SLIT3: variants seen among roughly 807,000 people sequenced by gnomAD.
SLIT3 encodes the protein slit homolog 3 protein.
SLIT3 carries 68 observed loss-of-function variants against 184.0 expected under a neutral mutation model. That is an observed-to-expected ratio of 0.37 (90% CI 0.30 to 0.45). The LOEUF (loss-of-function observed/expected upper bound fraction) is 0.45, where lower values mean the gene tolerates loss of function less well. Ranked by LOEUF, SLIT3 falls within the 20% of genes least tolerant of loss-of-function variation. The pLI is 1.00. For missense variants in SLIT3, 1,707 were observed against 2,026.0 expected, an observed-to-expected ratio of 0.84 and a Z score of 3.02; for synonymous variants, 831 against 828.6, an observed-to-expected ratio of 1.00 and a Z score of -0.05.
intron 20 of SLIT3, among the ~76,000 whole-genome samples, chr5:168,738,586 A>T (rs1763510684): frequency 6.6e-6 from 1 of 152,224 alleles, no homozygotes; most frequent in Non-Finnish European, 1.5e-5. Context: ...TTATTCAGAC[A>T]TGGCTATTTA....
intron 14 of SLIT3, among the ~76,000 whole-genome samples, chr5:168,771,696 T>C (rs963404085): frequency 6.6e-6 from 1 of 152,188 alleles, no homozygotes; most frequent in Admixed American, 6.5e-5. Context: ...CCCAAGGTAT[T>C]AGTTTCTGTT....
intron 4 of SLIT3, among the ~76,000 whole-genome samples, chr5:168,997,329 C>T (rs996820218): frequency 2.1e-4 from 32 of 152,244 alleles, no homozygotes; most frequent in African/African-American, 7.7e-4. Context: ...TTTTCCTACC[C>T]CATCCCCCCA....
chr5:169,267,498 A>C (rs1766440632), intron 1 of SLIT3, among the ~76,000 whole-genome samples: 1 of 152,240 alleles, frequency 6.6e-6, no homozygotes, highest in Non-Finnish European at 1.5e-5. Flanking sequence ...TGACAGTTTT[A>C]ACTGAGTTAC....
At chr5:168,728,799 T>A (rs1763211922) in intron 20 of SLIT3, among the ~76,000 whole-genome samples, 1 of 151,602 alleles carries the variant, frequency 6.6e-6, no homozygotes, top group South Asian at 2.1e-4. Flanking sequence ...GTGCCTGTGG[T>A]CCCAGCTACT....
At chr5:169,029,297 A>G (rs1296800058) in intron 4 of SLIT3, among the ~76,000 whole-genome samples, 1 of 152,154 alleles carries the variant, frequency 6.6e-6, no homozygotes, top group Non-Finnish European at 1.5e-5. Flanking sequence ...TCTTTTTGTT[A>G]GCCAGATTCC....
intron 4 of SLIT3, among the ~76,000 whole-genome samples, chr5:168,990,695 C>G (rs137914372): frequency 6.6e-6 from 1 of 152,294 alleles, no homozygotes; most frequent in East Asian, 1.9e-4. Context: ...GGGGAACCTT[C>G]TGTCGAATGG....
At chr5:169,238,349 A>T (rs1765270027) in intron 3 of SLIT3, among the ~76,000 whole-genome samples, 1 of 151,922 alleles carries the variant, frequency 6.6e-6, no homozygotes, top group African/African-American at 2.4e-5. Flanking sequence ...CCAGTTTTCA[A>T]CTATTCTATT....
At chr5:168,768,202 C>T (rs374716278) in intron 14 of SLIT3, 21 of 525,594 alleles carry the variant, frequency 4.0e-5, no homozygotes, top group South Asian at 1.6e-4. Flanking sequence ...CCGTTTCCAT[C>T]GTTCCACCAC....
intron 32 of SLIT3, among the ~76,000 whole-genome samples, chr5:168,674,375 G>A (rs371230585): frequency 6.6e-6 from 1 of 152,070 alleles, no homozygotes; most frequent in Non-Finnish European, 1.5e-5. Context: ...ATGCTTGAAG[G>A]AAATGCTCAT....
intron 6 of SLIT3, among the ~76,000 whole-genome samples, chr5:168,831,036 CAGTG>C (rs145258413): frequency 0.14 from 20,704 of 150,254 alleles, 1,723 homozygotes; most frequent in East Asian, 0.26. Flanking sequence ...TCAGCACAGA[CAGTG>C]AGGGAAGCAG....
intron 4 of SLIT3, among the ~76,000 whole-genome samples, chr5:168,888,734 G>A (rs1561989126): frequency 6.6e-6 from 1 of 152,146 alleles, no homozygotes; most frequent in Non-Finnish European, 1.5e-5. Context: ...ATCAACTCTT[G>A]ATTAGTTAGG....
In SLIT3 at chr5:169,272,511, G is replaced by A. The variant is rs1338054169; in HGVS notation, c.198-21052C>T. The stretch of plus-strand genomic sequence containing the variant: ...AAAGCTCTGCTAGGAAAGAAACCAA[G>A]CCCATGAATCAGTCCTCACTCTGGT... On this transcript the variant is annotated intron_variant, in intron 1 of 35. Coordinates refer to ENST00000519560, the MANE Select transcript of SLIT3 (RefSeq NM_003062.4). Among the ~76,000 whole-genome samples, 9 of 152,352 alleles carry A rather than the reference G, an allele frequency of 5.9e-5. No individual in the cohort carries two copies. The East Asian group carries it at 1.7e-3, about 29-fold the overall frequency.
chr5:168,774,841 G>A (rs911636443), intron 12 of SLIT3, among the ~76,000 whole-genome samples: 2 of 152,142 alleles, frequency 1.3e-5, no homozygotes, highest in East Asian at 1.9e-4. Context: ...TCTGATGAAA[G>A]TTATATGTCA....
intron 31 of SLIT3, among the ~76,000 whole-genome samples, chr5:168,684,933 C>A (rs1025781285): frequency 2.0e-5 from 3 of 151,756 alleles, no homozygotes; most frequent in Admixed American, 2.0e-4. Flanking sequence ...GGGGCCCAGG[C>A]AAAGATAATT....
intron 27 of SLIT3, among the ~76,000 whole-genome samples, chr5:168,696,713 G>A (rs746513881): frequency 1.3e-5 from 2 of 152,132 alleles, no homozygotes; most frequent in Non-Finnish European, 2.9e-5. Context: ...CAACAAGGCC[G>A]GTGTCATCAT....
chr5:168,718,731 T>TCTC (rs1762839180), intron 23 of SLIT3, among the ~76,000 whole-genome samples: 4 of 46,342 alleles, frequency 8.6e-5, no homozygotes, highest in African/African-American at 3.1e-4. Flanking sequence ...CACACACACA[T>TCTC]TCTCTCTCTC....
At chr5:169,128,226 T>TTA (rs1176789984) in intron 4 of SLIT3, among the ~76,000 whole-genome samples, 1 of 147,578 alleles carries the variant, frequency 6.8e-6, no homozygotes, top group African/African-American at 2.5e-5. Context: ...GGGTCATGGA[T>TTA]TATATATATA....
At chr5:169,176,637 T>C (rs543834183) in intron 4 of SLIT3, among the ~76,000 whole-genome samples, 62 of 152,318 alleles carry the variant, frequency 4.1e-4, no homozygotes, top group Non-Finnish European at 1.5e-4. Flanking sequence ...CAGAGATCAG[T>C]AACATTTTTC....
intron 4 of SLIT3, among the ~76,000 whole-genome samples, chr5:169,157,644 C>G (rs1561703664): frequency 6.6e-6 from 1 of 152,108 alleles, no homozygotes; most frequent in African/African-American, 2.4e-5. Context: ...CTCAAAATGT[C>G]CAGTTTCAAT....
Sources: gnomAD v4.1 joint callset for allele counts (sites outside exome capture counted in the v4.1 genomes callset) on GRCh38, gnomAD v4.1.1 for gene constraint, MANE v1.5 for transcripts, NCBI Gene and HGNC (gene_info 2026-07-23, HGNC 2026-07-21) for gene names.